SCP2: variants seen among roughly 807,000 people sequenced by gnomAD.
SCP2 encodes SCP-2/3-oxoacyl-CoA thiolase.
In SCP2, 48 loss-of-function variants were observed where a neutral mutation model predicts 71.4. The observed-to-expected ratio is 0.67, with a 90% CI of 0.53 to 0.86. The LOEUF (loss-of-function observed/expected upper bound fraction) is 0.86. SCP2 is among the 40% of genes least tolerant of loss of function. The probability of loss-of-function intolerance (pLI) is 0.00; values close to 1 mark genes in which losing one functional copy is unlikely to be tolerated. For missense variants in SCP2, 560 were observed against 655.6 expected (o/e 0.85, Z 1.59); for synonymous variants, 220 against 218.1 (o/e 1.01, Z -0.08).
chr1:53,038,253 T>TAC (rs768927931), intron 13 of SCP2, among the ~76,000 whole-genome samples: 42 of 121,776 alleles, frequency 3.4e-4, no homozygotes, highest in African/African-American at 1.5e-3. Context: ...TATGTGTGTG[T>TAC]ACACACACAC....
intron 1 of SCP2, among the ~76,000 whole-genome samples, chr1:52,929,740 A>G (rs1652958581): frequency 6.6e-6 from 1 of 152,170 alleles, no homozygotes; most frequent in African/African-American, 2.4e-5. Flanking sequence ...CTCCTGCCTC[A>G]GCCTCCCGAG....
chr1:52,981,425 G>A (rs570102980), intron 10 of SCP2, among the ~76,000 whole-genome samples: 11 of 150,524 alleles, frequency 7.3e-5, no homozygotes, highest in Non-Finnish European at 1.2e-4. Context: ...AGAATGTAAA[G>A]TATTTCATTA....
At chr1:53,047,054 C>T (rs1170575050) in intron 14 of SCP2, among the ~76,000 whole-genome samples, 4 of 152,208 alleles carry the variant, frequency 2.6e-5, no homozygotes, top group Non-Finnish European at 5.9e-5. Flanking sequence ...GGGGAAGGAT[C>T]CATGTCCAAG....
chr1:52,960,360 G>A (rs556230363), intron 5 of SCP2, among the ~76,000 whole-genome samples: 10 of 151,474 alleles, frequency 6.6e-5, no homozygotes, highest in Admixed American at 2.0e-4. Flanking sequence ...TTGCAGAGAC[G>A]GAATCTTGCT....
At chr1:52,942,425 G>A (rs1176494649) in intron 2 of SCP2, among the ~76,000 whole-genome samples, 2 of 152,118 alleles carry the variant, frequency 1.3e-5, no homozygotes, top group Non-Finnish European at 2.9e-5. Context: ...ATCTACAGGT[G>A]TATGGGTCCT....
intron 10 of SCP2, among the ~76,000 whole-genome samples, chr1:52,980,955 G>A (rs934198779): frequency 2.6e-5 from 4 of 151,684 alleles, no homozygotes; most frequent in South Asian, 2.1e-4. Context: ...TTTCTGAGAC[G>A]GAGACTCTCT....
chr1:52,981,007 A>G (rs1376287566), intron 10 of SCP2, among the ~76,000 whole-genome samples: 5 of 151,588 alleles, frequency 3.3e-5, no homozygotes, highest in Admixed American at 2.6e-4. Context: ...TCTCAGCTCA[A>G]TGCAACCTCC....
chr1:53,043,994 C>A (rs1460098304), intron 14 of SCP2, among the ~76,000 whole-genome samples: 1 of 152,110 alleles, frequency 6.6e-6, no homozygotes, highest in Non-Finnish European at 1.5e-5. Flanking sequence ...CATAATAAAA[C>A]CTTTTTTTCT....
At chr1:52,947,976 G>A in intron 2 of SCP2, 33 bp from the exon 3 acceptor site, 3 of 1,485,932 alleles carry the variant, frequency 2.0e-6, no homozygotes, top group Non-Finnish European at 2.8e-6. Context: ...AATACTTAAA[G>A]CACTTTTTGA....
chr1:53,008,787 A>T (rs1660800968), intron 11 of SCP2, among the ~76,000 whole-genome samples: 1 of 152,228 alleles, frequency 6.6e-6, no homozygotes, highest in Non-Finnish European at 1.5e-5. Context: ...CAAGGCAATC[A>T]GGCAGGAGAA....
intron 7 of SCP2, 63 bp downstream of exon 7, chr1:52,974,895 T>G (rs1657814750): frequency 2.4e-6 from 2 of 817,720 alleles, no homozygotes; most frequent in Non-Finnish European, 4.4e-6. Flanking sequence ...AATATGCAAC[T>G]TTATACTTGA....
chr1:52,944,538 C>T (rs1406642595), intron 2 of SCP2, among the ~76,000 whole-genome samples: 1 of 152,098 alleles, frequency 6.6e-6, no homozygotes, highest in African/African-American at 2.4e-5. Context: ...TTGATGCCTC[C>T]AAATAGTTTC....
rs566582302 is a variant in SCP2, at chr1:52,978,440, A to G, written c.825+73A>G. 190 of 1,187,652 alleles carry G rather than the reference A, an allele frequency of 1.6e-4. No homozygotes were observed. In the African/African-American group the frequency reaches 1.9e-3, roughly 12 times the overall value. 73.6% of individuals were successfully genotyped at this position (1,187,652 alleles called of 1,614,324 possible). ...CATGATTCTTGTGATGGAGCCATGC[A>G]TTATTATATAATAACTTTTAATTAA... On this transcript the variant is annotated intron_variant, in intron 9 of 15. Coordinates refer to ENST00000371514, the MANE Select transcript of SCP2 (RefSeq NM_002979.5).
intron 11 of SCP2, 45 bp downstream of exon 11, chr1:52,988,181 C>T (rs1659165651): frequency 9.9e-7 from 1 of 1,010,352 alleles, no homozygotes; most frequent in South Asian, 1.3e-5. Context: ...TCATTTTTTC[C>T]TTAAGTGTGA....
chr1:52,993,433 A>G (rs975302908), intron 11 of SCP2: 46 of 1,614,008 alleles, frequency 2.9e-5, no homozygotes, highest in Non-Finnish European at 3.9e-5. Context: ...CTGCTTTATT[A>G]CCAATTAAAA....
At chr1:53,004,586 A>G (rs981824170) in intron 11 of SCP2, among the ~76,000 whole-genome samples, 5 of 152,158 alleles carry the variant, frequency 3.3e-5, no homozygotes, top group Non-Finnish European at 7.3e-5. Context: ...CACCCTTGCG[A>G]TAATGTATTT....
chr1:52,972,979 T>A (rs1310292424), intron 6 of SCP2, among the ~76,000 whole-genome samples: 2 of 152,236 alleles, frequency 1.3e-5, no homozygotes, highest in African/African-American at 2.4e-5. Context: ...TAGAACTGAG[T>A]GTTTAATTTA....
intron 2 of SCP2, among the ~76,000 whole-genome samples, chr1:52,942,589 G>A (rs1290795059): frequency 6.6e-6 from 1 of 150,732 alleles, no homozygotes; most frequent in African/African-American, 2.4e-5. Flanking sequence ...AAGTATGAAA[G>A]CTTCTTTACA....
intron 6 of SCP2, among the ~76,000 whole-genome samples, chr1:52,961,998 C>T (rs1656506661): frequency 6.6e-6 from 1 of 152,134 alleles, no homozygotes; most frequent in Non-Finnish European, 1.5e-5. Context: ...ATCTCCCAGG[C>T]TCAAGCGATC....
Sources: allele counts gnomAD v4.1 joint callset (sites outside exome capture counted in the v4.1 genomes callset), GRCh38; gene constraint gnomAD v4.1.1; transcripts MANE v1.5; gene names NCBI Gene and HGNC (gene_info 2026-07-23, HGNC 2026-07-21).